SLC4A10: variants seen among roughly 807,000 people sequenced by gnomAD.
SLC4A10 encodes solute carrier family 4 member 10.
SLC4A10 carries 42 observed loss-of-function variants against 137.7 expected under a neutral mutation model. That is an observed-to-expected ratio of 0.30 (90% CI 0.24 to 0.39). The LOEUF is 0.39. SLC4A10 is among the 10% of genes least tolerant of loss of function. SLC4A10 has a pLI of 1.00. For missense variants in SLC4A10, 925 were observed against 1,355.0 expected, an observed-to-expected ratio of 0.68 and a Z score of 4.98; for synonymous variants, 474 against 464.1, an observed-to-expected ratio of 1.02 and a Z score of -0.27.
At chr2:161,699,101 G>A (rs2124989245) in intron 1 of SLC4A10, among the ~76,000 whole-genome samples, 1 of 152,252 alleles carries the variant, frequency 6.6e-6, no homozygotes, top group South Asian at 2.1e-4. Context: ...CTCACTGCAA[G>A]CTACGCGTCC....
At chr2:161,626,499 T>A (rs1204928646) in intron 1 of SLC4A10, among the ~76,000 whole-genome samples, 2 of 152,102 alleles carry the variant, frequency 1.3e-5, no homozygotes, top group African/African-American at 2.4e-5. Flanking sequence ...GACAGTTTAA[T>A]GGTAAGAGGG....
chr2:161,659,959 A>G (rs1183523818), intron 1 of SLC4A10, among the ~76,000 whole-genome samples: 1 of 151,918 alleles, frequency 6.6e-6, no homozygotes, highest in Non-Finnish European at 1.5e-5. Flanking sequence ...AGGCAAATCC[A>G]TAGAGACAGA....
At chr2:161,905,562 G>T (rs1271362777) in intron 14 of SLC4A10, 80 bp from the exon 15 acceptor site, 2 of 1,504,484 alleles carry the variant, frequency 1.3e-6, no homozygotes, top group Non-Finnish European at 1.8e-6. Context: ...CCTGAATGAG[G>T]TTTATTTTCA....
chr2:161,897,507 A>G (rs985265224), intron 11 of SLC4A10, among the ~76,000 whole-genome samples: 1 of 152,166 alleles, frequency 6.6e-6, no homozygotes, highest in African/African-American at 2.4e-5. Context: ...CCACTCAACC[A>G]TGAGTACTTA....
At chr2:161,898,220 A>G (rs2063720527) in intron 11 of SLC4A10, among the ~76,000 whole-genome samples, 1 of 152,140 alleles carries the variant, frequency 6.6e-6, no homozygotes, top group South Asian at 2.1e-4. Flanking sequence ...TATGCTATCC[A>G]GTAATCAAGC....
chr2:161,973,495 G>A (rs1698904680), intron 23 of SLC4A10, among the ~76,000 whole-genome samples: 1 of 152,170 alleles, frequency 6.6e-6, no homozygotes, highest in Non-Finnish European at 1.5e-5. Context: ...TCCACCCTTT[G>A]AGGAAAGATG....
At chr2:161,873,590 G>A (rs964541113) in intron 7 of SLC4A10, among the ~76,000 whole-genome samples, 2 of 150,694 alleles carry the variant, frequency 1.3e-5, no homozygotes, top group Non-Finnish European at 3.0e-5. Context: ...TGAATACTTG[G>A]TGAAAATACG....
At chr2:161,641,893 C>T (rs910221134) in intron 1 of SLC4A10, among the ~76,000 whole-genome samples, 1 of 151,932 alleles carries the variant, frequency 6.6e-6, no homozygotes, top group African/African-American at 2.4e-5. Flanking sequence ...TATAATTATA[C>T]AATATTCATT....
intron 3 of SLC4A10, among the ~76,000 whole-genome samples, chr2:161,833,403 T>C (rs1017973934): frequency 6.6e-6 from 1 of 152,186 alleles, no homozygotes; most frequent in Admixed American, 6.5e-5. Flanking sequence ...AGGCATTAAT[T>C]AGTATTGCAC....
intron 1 of SLC4A10, among the ~76,000 whole-genome samples, chr2:161,682,354 G>A (rs940837982): frequency 6.6e-6 from 1 of 152,068 alleles, no homozygotes; most frequent in Non-Finnish European, 1.5e-5. Context: ...CATCAAATCA[G>A]TGAGTATACA....
At chr2:161,849,973 T>G (rs2059734051) in intron 4 of SLC4A10, among the ~76,000 whole-genome samples, 1 of 152,054 alleles carries the variant, frequency 6.6e-6, no homozygotes, top group Admixed American at 6.6e-5. Context: ...TCCGTTCTTC[T>G]TTACACATCT....
chr2:161,705,403 A>G (rs1455995007), intron 1 of SLC4A10, among the ~76,000 whole-genome samples: 1 of 151,550 alleles, frequency 6.6e-6, no homozygotes, highest in East Asian at 1.9e-4. Flanking sequence ...GAGCTAAATG[A>G]GTAGTAATTA....
Position 161,667,786 on chromosome 2 carries a change from G to C in SLC4A10, c.48+43220G>C, listed in dbSNP as rs143746650. On this transcript the variant is annotated intron_variant, in intron 1 of 26. Transcript: ENST00000446997. ...TTGTTTTCAGGTCCTATGACATACT[G>C]TTTTGATTGTGGTAGCAGATTTTCA... Among the ~76,000 whole-genome samples, 250 of 151,726 alleles carry C rather than the reference G, an allele frequency of 1.6e-3. 1 individual carries two copies. Among genetic ancestry groups the C allele is most frequent in the African/African-American group, 5.9e-3 (243 of 41,486 alleles).
intron 12 of SLC4A10, 156 bp downstream of exon 12, chr2:161,901,167 C>CTA (rs1683027753): frequency 3.2e-6 from 2 of 631,660 alleles, no homozygotes; most frequent in African/African-American, 3.6e-5. Flanking sequence ...TCTGAAGTTA[C>CTA]TAATGATTGT....
At chr2:161,794,582 AT>A (rs1454494488) in intron 2 of SLC4A10, among the ~76,000 whole-genome samples, 2 of 152,142 alleles carry the variant, frequency 1.3e-5, no homozygotes, top group Non-Finnish European at 2.9e-5. Context: ...AAAGTCTAAT[AT>A]ACTAGCCTTA....
At chr2:161,731,770 T>A (rs1361436452) in intron 1 of SLC4A10, among the ~76,000 whole-genome samples, 1 of 152,202 alleles carries the variant, frequency 6.6e-6, no homozygotes, top group Admixed American at 6.5e-5. Context: ...AGATTATACA[T>A]GACTTAAAAT....
chr2:161,969,911 G>C (rs981976708), intron 23 of SLC4A10, among the ~76,000 whole-genome samples: 1 of 152,186 alleles, frequency 6.6e-6, no homozygotes, highest in African/African-American at 2.4e-5. Context: ...CTGAATCTTA[G>C]AGTGGGGCAA....
At chr2:161,742,810 C>T (rs750087885) in intron 1 of SLC4A10, among the ~76,000 whole-genome samples, 21 of 152,150 alleles carry the variant, frequency 1.4e-4, no homozygotes, top group East Asian at 3.9e-4. Context: ...CCATTTTAAC[C>T]GGGATGACAT....
chr2:161,820,246 G>A (rs552169157), intron 3 of SLC4A10, among the ~76,000 whole-genome samples: 24 of 152,238 alleles, frequency 1.6e-4, no homozygotes, highest in African/African-American at 5.3e-4. Context: ...GATGGACAGT[G>A]GCTTCCTGTT....
Sources: allele counts gnomAD v4.1 joint callset (sites outside exome capture counted in the v4.1 genomes callset), GRCh38; gene constraint gnomAD v4.1.1; transcripts MANE v1.5; gene names NCBI Gene and HGNC (gene_info 2026-07-23, HGNC 2026-07-21).